STOX2: variants seen among roughly 807,000 people sequenced by gnomAD.
STOX2 encodes the protein storkhead box 2, also known as storkhead-box protein 2.
In STOX2, 28 loss-of-function variants were observed where a neutral mutation model predicts 60.9. That is an observed-to-expected ratio of 0.46 (90% CI 0.34 to 0.63). The LOEUF (loss-of-function observed/expected upper bound fraction) is 0.63, where lower values mean the gene tolerates loss of function less well. Ranked by LOEUF, STOX2 falls within the 30% of genes least tolerant of loss-of-function variation. STOX2 has a pLI of 0.01. For missense variants in STOX2, 1,024 were observed against 1,187.7 expected, an observed-to-expected ratio of 0.86 and a Z score of 2.03; for synonymous variants, 472 against 463.9, an observed-to-expected ratio of 1.02 and a Z score of -0.22.
Position 184,017,142 on chromosome 4 carries a change from G to A in STOX2, c.2639G>A (p.Arg880His). 2.5e-6 allele frequency: 4 copies of A among 1,613,716 alleles called. No homozygotes were observed. The highest frequency in any genetic ancestry group is 2.2e-5 in the East Asian group (1 of 44,868). The change falls in exon 4 of 4, where the codon CGT becomes CAT. Residue 880 changes from arginine to histidine, a missense_variant. This residue lies in a region of STOX2 where 922 missense variants were observed against 1,058.3 expected (regional missense o/e 0.87). Transcript: ENST00000308497. ...TCAAGCATTGTTGAAAGTAACCGTC[G>A]TCAGAACCCCGCTTTGAGCCCGGCC... ...NTSSIVESNR[R>H]QNPALSPAHG...
chr4:183,934,315 A>C (rs34387793), intron 1 of STOX2, among the ~76,000 whole-genome samples: 2 of 151,864 alleles, frequency 1.3e-5, no homozygotes, highest in Non-Finnish European at 2.9e-5. Flanking sequence ...AAAAATAAAA[A>C]ATAAAATAAA....
chr4:183,801,622 G>A (rs7654744), intron 1 of STOX2, among the ~76,000 whole-genome samples: 63,388 of 152,004 alleles, frequency 0.42, 13,339 homozygotes, highest in East Asian at 0.58. Flanking sequence ...TGCAGATGGA[G>A]ATGGGGGTGG....
At chr4:183,928,719 CT>C (rs1742317348) in intron 1 of STOX2, among the ~76,000 whole-genome samples, 1 of 152,086 alleles carries the variant, frequency 6.6e-6, no homozygotes, top group East Asian at 1.9e-4. Context: ...GGATTAACAA[CT>C]TAGTGTCTCA....
At position 183,865,439 on chromosome 4, in the gene STOX2, G is replaced by C. The variant is rs1740541354; in HGVS notation, c.364+67384G>C. Among the ~76,000 whole-genome samples, 1 of 152,260 alleles carries C rather than the reference G, an allele frequency of 6.6e-6. No individual in the cohort carries two copies. Among genetic ancestry groups the C allele is most frequent in the East Asian group, 1.9e-4 (1 of 5,188 alleles). On this transcript the variant is annotated intron_variant, in intron 1 of 2. Transcript: ENST00000513034. This position sits in a 1 kb window ranked among gnomAD's most constrained non-coding sequence, Gnocchi z 4.1. ...CACAAACATATTAAGCACATAGAGG[G>C]TGTCAGCATCTATGAATAAAAAGCC...
At chr4:183,962,162 A>G (rs545760482) in intron 1 of STOX2, among the ~76,000 whole-genome samples, 8 of 152,348 alleles carry the variant, frequency 5.3e-5, no homozygotes, top group African/African-American at 1.7e-4. Context: ...CTCAGTTTGC[A>G]TAAGATTGGA....
chr4:184,001,265 T>A lies in STOX2; in HGVS notation c.167-60T>A. ...GGCCAGATGGACGCGTGAAGGCGTG[T>A]GTCTGACAGATGACCGGGTCTTTTA... is the stretch of plus-strand genomic sequence containing the variant. On this transcript the variant is annotated intron_variant, in intron 1 of 3. Coordinates refer to ENST00000308497, the MANE Select transcript of STOX2 (RefSeq NM_020225.3). The surrounding 1 kb of genome is among the most constrained non-coding windows in gnomAD (Gnocchi z 4.2). 1 of 1,564,832 alleles carries A rather than the reference T, an allele frequency of 6.4e-7. No homozygotes were observed.
chr4:183,881,938 G>C (rs749498290), intron 1 of STOX2, among the ~76,000 whole-genome samples: 1 of 152,138 alleles, frequency 6.6e-6, no homozygotes, highest in African/African-American at 2.4e-5. Context: ...TAAAAGTAAC[G>C]TATTTCGACT....
intron 1 of STOX2, among the ~76,000 whole-genome samples, chr4:183,945,350 G>A (rs112042871): frequency 2.6e-5 from 4 of 151,716 alleles, no homozygotes; most frequent in African/African-American, 9.7e-5. Context: ...GAGAGAGAGG[G>A]TCGTGACAGT....
At chr4:183,850,689 A>G (rs1740096878) in intron 1 of STOX2, among the ~76,000 whole-genome samples, 1 of 152,200 alleles carries the variant, frequency 6.6e-6, no homozygotes, top group Non-Finnish European at 1.5e-5. Flanking sequence ...AGATCACACC[A>G]CTGCACTCCA....
chr4:184,008,200 C>T (rs1039484849), intron 2 of STOX2, among the ~76,000 whole-genome samples: 6 of 152,188 alleles, frequency 3.9e-5, no homozygotes, highest in Non-Finnish European at 7.3e-5. Context: ...ATGTGCCTGG[C>T]ATTGAGAAAT....
At position 183,896,312 on chromosome 4, in the gene STOX2, G is replaced by A. The variant is rs868735982; in HGVS notation, c.364+98257G>A. On this transcript the variant is annotated intron_variant, in intron 1 of 2. Coordinates refer to the STOX2 transcript ENST00000513034. ...TGTGTGGGAGTATCATCAGGCGCAGGCCATTCTCCGTGGCTCCGTGTCGTC... is the reference window on the plus strand; with the variant it reads ...TGTGTGGGAGTATCATCAGGCGCAGACCATTCTCCGTGGCTCCGTGTCGTC... Among the ~76,000 whole-genome samples, 3 of 152,278 alleles carry A rather than the reference G, an allele frequency of 2.0e-5. No homozygotes were observed. In the Middle Eastern group the frequency reaches 0.01, roughly 518 times the overall value.
intron 1 of STOX2, among the ~76,000 whole-genome samples, chr4:183,991,701 A>T (rs1035645075): frequency 2.0e-4 from 31 of 152,068 alleles, no homozygotes; most frequent in African/African-American, 7.5e-4. Flanking sequence ...TGGGATTACA[A>T]GCATGAGCCA....
chr4:183,959,359 C>T (rs984872462), intron 1 of STOX2, among the ~76,000 whole-genome samples: 1 of 152,104 alleles, frequency 6.6e-6, no homozygotes, highest in African/African-American at 2.4e-5. Context: ...AGGTGATATT[C>T]GTGAGGCAGC....
intron 1 of STOX2, among the ~76,000 whole-genome samples, chr4:183,876,876 G>A (rs1046964786): frequency 1.2e-4 from 18 of 152,216 alleles, no homozygotes; most frequent in Non-Finnish European, 1.8e-4. Flanking sequence ...TTGTGAGTGC[G>A]AATGGAGAAG....
chr4:183,844,321 T>C (rs1286009958), intron 1 of STOX2, among the ~76,000 whole-genome samples: 1 of 152,210 alleles, frequency 6.6e-6, no homozygotes, highest in Non-Finnish European at 1.5e-5. Context: ...AACTCATTTC[T>C]CTCTTTAGGT....
At chr4:183,901,878 T>C (rs143028700), upstream of STOX2, among the ~76,000 whole-genome samples, 25 of 152,372 alleles carry the variant, frequency 1.6e-4, no homozygotes, top group East Asian at 4.4e-3. Flanking sequence ...TCTCCCATTC[T>C]GTGGATTGTC....
chr4:183,806,360 G>A lies in STOX2; in HGVS notation c.364+8305G>A, dbSNP rs1284110592. ...GTCTAGCTCTCTGGCATGGAAGCTG[G>A]GGATGCATAGTGAGTCCAAAATCAC... On this transcript the variant is annotated intron_variant, in intron 1 of 2. Coordinates refer to the STOX2 transcript ENST00000513034. The surrounding 1 kb of genome is among the most constrained non-coding windows in gnomAD (Gnocchi z 4.1). Among the ~76,000 whole-genome samples, 1 of 152,154 alleles carries A rather than the reference G, an allele frequency of 6.6e-6. No individual in the cohort carries two copies. The highest frequency in any genetic ancestry group is 6.5e-5 in the Admixed American group (1 of 15,268).
rs1315007385 is a variant in STOX2 at position 183,821,393 on chromosome 4, A to G, written c.364+23338A>G. 3.9e-5 allele frequency among the ~76,000 whole-genome samples: 6 copies of G among 152,238 alleles called. No homozygotes were observed. The highest frequency in any genetic ancestry group is 1.4e-4 in the African/African-American group (6 of 41,470). On this transcript the variant is annotated intron_variant, in intron 1 of 2. Coordinates refer to the STOX2 transcript ENST00000513034. The surrounding 1 kb of genome is among the most constrained non-coding windows in gnomAD (Gnocchi z 4.2). ...TCTTTTATAAAGAACAAACGAAAGC[A>G]TTACACTGATATTATTCATGCCAGA...
rs372811896 is a variant in STOX2 at position 183,874,723 on chromosome 4, G to A, written c.364+76668G>A. ...GGGCGGATCACGAGGTCAGGAGATC[G>A]AGACCATCCTGGCTAACACGGTGAA... On this transcript the variant is annotated intron_variant, in intron 1 of 2. Coordinates refer to the STOX2 transcript ENST00000513034. 6.4e-4 allele frequency among the ~76,000 whole-genome samples: 97 copies of A among 150,780 alleles called. 2 individuals carry two copies. The East Asian group carries it at 0.011, about 17-fold the overall frequency.
Sources: gnomAD v4.1 joint callset for allele counts (sites outside exome capture counted in the v4.1 genomes callset) on GRCh38, gnomAD v4.1.1 for gene constraint, gnomAD v4.1.1 regional missense constraint, Gnocchi (gnomAD v3.1) non-coding constraint, MANE v1.5 for transcripts, NCBI Gene and HGNC (gene_info 2026-07-23, HGNC 2026-07-21) for gene names.